Variants in KIF11 observed in about 807,000 individuals in gnomAD.
KIF11 encodes the protein kinesin-like protein KIF11.
KIF11 carries 9 observed loss-of-function variants against 121.0 expected under a neutral mutation model. The observed-to-expected ratio is 0.07, with a 90% CI of 0.04 to 0.13. KIF11 has a LOEUF of 0.13. Among genes scored for constraint, KIF11 ranks in the 10% least tolerant of loss-of-function variants. The pLI is 1.00. For missense variants in KIF11, 846 were observed against 1,217.5 expected, an observed-to-expected ratio of 0.69 and a Z score of 4.54; for synonymous variants, 408 against 421.0, an observed-to-expected ratio of 0.97 and a Z score of 0.38.
chr10:92,653,343 G>A (rs543342000), intron 21 of KIF11, among the ~76,000 whole-genome samples: 1 of 152,188 alleles, frequency 6.6e-6, no homozygotes, highest in Non-Finnish European at 1.5e-5. Flanking sequence ...AAGTCTCTCA[G>A]CATTGCCAAA....
At chr10:92,631,771 G>A (rs1844741696) in intron 12 of KIF11, among the ~76,000 whole-genome samples, 2 of 151,776 alleles carry the variant, frequency 1.3e-5, no homozygotes, top group South Asian at 4.2e-4. Context: ...TGCCTCCCGG[G>A]TTCAAGCGAT....
intron 1 of KIF11, among the ~76,000 whole-genome samples, chr10:92,595,247 A>G (rs1013645138): frequency 1.3e-5 from 2 of 152,146 alleles, no homozygotes; most frequent in African/African-American, 4.8e-5. Context: ...TTTAGTAGAG[A>G]TGGGGTTTCA....
chr10:92,639,576 G>C (rs1589605005), intron 16 of KIF11, among the ~76,000 whole-genome samples: 1 of 151,922 alleles, frequency 6.6e-6, no homozygotes, highest in Non-Finnish European at 1.5e-5. Flanking sequence ...TTGGACAACA[G>C]AGTGAGACCC....
Position 92,628,892 on chromosome 10 carries a change from T to C in KIF11, c.1302T>C (p.Asn434=). The part of the protein sequence containing the change: ...EKIGAVEEEL[N]RVTELFMDNK... ...TTGGTGCTGTTGAGGAGGAGCTGAA[T>C]AGGGTAAGCACTTAAAATGATATTT... is the stretch of plus-strand genomic sequence containing the variant. Residue 434 remains asparagine (N), a synonymous_variant, in exon 11 of 22, where the codon AAT becomes AAC. Coordinates refer to ENST00000260731, the MANE Select transcript of KIF11 (RefSeq NM_004523.4). The C allele has an allele frequency of 6.6e-7, 1 of 1,521,746 alleles. No homozygotes were observed. The highest frequency in any genetic ancestry group is 9.1e-7 in the Non-Finnish European group (1 of 1,099,804). The allele number at this position is 1,521,746 out of a possible 1,614,324, so 94.3% of individuals were successfully genotyped here. A position where few individuals can be genotyped will look rare whatever the true frequency, so the allele number is the denominator to read the frequency against.
chr10:92,624,376 AC>A (rs780178082), intron 10 of KIF11, among the ~76,000 whole-genome samples: 26 of 150,056 alleles, frequency 1.7e-4, no homozygotes, highest in Admixed American at 2.7e-4. Context: ...GATTACAAGC[AC>A]CTGCCACCAT....
intron 19 of KIF11, among the ~76,000 whole-genome samples, chr10:92,648,702 C>G (rs1844947995): frequency 1.3e-5 from 2 of 152,132 alleles, no homozygotes; most frequent in African/African-American, 2.4e-5. Flanking sequence ...AAATACAAAC[C>G]TAGCACTGTT....
intron 10 of KIF11, among the ~76,000 whole-genome samples, chr10:92,623,839 T>C (rs1844642588): frequency 6.6e-6 from 1 of 152,196 alleles, no homozygotes; most frequent in South Asian, 2.1e-4. Flanking sequence ...GAAGTAACTT[T>C]GGTTTTCATT....
At chr10:92,625,308 C>CATATATG (rs1400794756) in intron 10 of KIF11, among the ~76,000 whole-genome samples, 4 of 150,508 alleles carry the variant, frequency 2.7e-5, no homozygotes, top group Non-Finnish European at 5.9e-5. Flanking sequence ...TTCTTAGCCA[C>CATATATG]ATATATGTCT....
At chr10:92,636,315 T>G (rs920784788) in intron 14 of KIF11, among the ~76,000 whole-genome samples, 3 of 152,222 alleles carry the variant, frequency 2.0e-5, no homozygotes, top group African/African-American at 7.2e-5. Flanking sequence ...TCTTCTGACT[T>G]CTATTTCATT....
intron 1 of KIF11, chr10:92,596,879 T>C: frequency 4.5e-6 from 1 of 222,022 alleles, no homozygotes; most frequent in Non-Finnish European, 9.5e-6. Flanking sequence ...GCATGGCCTC[T>C]TTGTTGATTC....
At chr10:92,651,406 GCTCA>G (rs1458249132) in intron 21 of KIF11, among the ~76,000 whole-genome samples, 6 of 147,548 alleles carry the variant, frequency 4.1e-5, no homozygotes, top group African/African-American at 1.2e-4. Flanking sequence ...CACGATCTTG[GCTCA>G]CCGCAACTTC....
intron 10 of KIF11, among the ~76,000 whole-genome samples, chr10:92,625,710 G>T (rs1451998731): frequency 4.6e-5 from 7 of 152,074 alleles, no homozygotes; most frequent in Non-Finnish European, 7.4e-5. Context: ...TCCTAGATCT[G>T]ATCAACAATT....
intron 19 of KIF11, among the ~76,000 whole-genome samples, chr10:92,648,892 T>C (rs1662886823): frequency 6.6e-6 from 1 of 152,170 alleles, no homozygotes; most frequent in South Asian, 2.1e-4. Context: ...CATTAGCATT[T>C]AGGAATCAAC....
In KIF11 at chr10:92,609,049, C is replaced by T; in HGVS notation, c.417C>T (p.Thr139=). The change falls in exon 5 of 22, where the codon ACC becomes ACT. Residue 139 remains threonine, a synonymous_variant. Transcript: ENST00000260731. ...CCTTGGCTGGTATAATTCCACGTAC[C>T]CTTCATCAAATTTTTGAGAAACTTA... ...EDPLAGIIPR[T]LHQIFEKLTD... is the part of the protein sequence containing the mutation. 6.3e-7 allele frequency: 1 copy of T among 1,584,716 alleles called. No individual in the cohort carries two copies. Among genetic ancestry groups the T allele is most frequent in the Non-Finnish European group, 8.6e-7 (1 of 1,166,810 alleles).
At chr10:92,608,421 G>A (rs11187094) in intron 4 of KIF11, among the ~76,000 whole-genome samples, 30,107 of 151,702 alleles carry the variant, frequency 0.2, 4,019 homozygotes, top group East Asian at 0.59. Flanking sequence ...GCATAGTTTC[G>A]CTGGGCAGAA....
intron 18 of KIF11, among the ~76,000 whole-genome samples, chr10:92,646,412 G>A (rs909283155): frequency 6.6e-6 from 1 of 151,956 alleles, no homozygotes; most frequent in African/African-American, 2.4e-5. Flanking sequence ...TTCTTTCTTT[G>A]CATTAATAGG....
At chr10:92,651,044 C>CT (rs757638479) in intron 21 of KIF11, among the ~76,000 whole-genome samples, 70 of 147,932 alleles carry the variant, frequency 4.7e-4, no homozygotes, top group African/African-American at 8.1e-4. Flanking sequence ...ACCCACTCTT[C>CT]TTTTTTTTTT....
intron 9 of KIF11, among the ~76,000 whole-genome samples, chr10:92,618,005 TGGGATCACAGG>T (rs1844577040): frequency 6.6e-6 from 1 of 152,202 alleles, no homozygotes; most frequent in African/African-American, 2.4e-5. Flanking sequence ...CCCAAAATGC[TGGGATCACAGG>T]CGTGAGCCAA....
intron 9 of KIF11, among the ~76,000 whole-genome samples, chr10:92,618,041 A>T (rs1437646243): frequency 6.6e-6 from 1 of 152,124 alleles, no homozygotes. Context: ...CCTGGCCCCA[A>T]TATGGTTTTA....
Sources: allele counts gnomAD v4.1 joint callset (sites outside exome capture counted in the v4.1 genomes callset), GRCh38; gene constraint gnomAD v4.1.1; transcripts MANE v1.5; gene names NCBI Gene and HGNC (gene_info 2026-07-23, HGNC 2026-07-21).